The following BRINP3 variants were observed in gnomAD, a reference collection of about 807,000 sequenced individuals.
BRINP3 encodes BMP/retinoic acid-inducible neural-specific protein 3.
A neutral mutation model predicts 71.0 loss-of-function variants in BRINP3; 19 were observed. The observed-to-expected ratio is 0.27, with a 90% CI of 0.19 to 0.39. BRINP3 has a LOEUF of 0.39. Among genes scored for constraint, BRINP3 ranks in the 10% least tolerant of loss-of-function variants. The pLI is 1.00. For missense variants in BRINP3, 959 were observed against 940.8 expected, an observed-to-expected ratio of 1.02 and a Z score of -0.25; for synonymous variants, 380 against 337.7, an observed-to-expected ratio of 1.13 and a Z score of -1.37.
chr1:190,102,758 T>TTCAA (rs1557968241), intron 7 of BRINP3, among the ~76,000 whole-genome samples: 5 of 152,064 alleles, frequency 3.3e-5, no homozygotes, highest in African/African-American at 9.7e-5. Flanking sequence ...AATACCATGA[T>TTCAA]TTCGACCAAT....
chr1:190,324,120 C>A lies in BRINP3; in HGVS notation c.237-42370G>T, dbSNP rs907533896. Among the ~76,000 whole-genome samples, 5 of 151,962 alleles carry A rather than the reference C, an allele frequency of 3.3e-5. No individual in the cohort carries two copies. The East Asian group carries it at 9.7e-4, about 29-fold the overall frequency. On this transcript the variant is annotated intron_variant, in intron 2 of 7. Coordinates refer to ENST00000367462, the MANE Select transcript of BRINP3 (RefSeq NM_199051.3). ...AGACATTTTGAAGAAATTTCTAGAT[C>A]CAGTCAAACCATGGTCTTAATTGTA...
chr1:190,283,249 G>A (rs1342958999), intron 2 of BRINP3, among the ~76,000 whole-genome samples: 1 of 151,866 alleles, frequency 6.6e-6, no homozygotes, highest in African/African-American at 2.4e-5. Flanking sequence ...GTTTTTCCTC[G>A]AAGGGTTCTC....
chr1:190,474,321 A>G (rs1170071183), intron 1 of BRINP3: 2 of 152,774 alleles, frequency 1.3e-5, no homozygotes, highest in Admixed American at 6.5e-5. Flanking sequence ...GAAAATGCAT[A>G]TATTCCATTG....
intron 2 of BRINP3, among the ~76,000 whole-genome samples, chr1:190,387,655 G>A (rs1227298940): frequency 6.6e-6 from 1 of 151,686 alleles, no homozygotes; most frequent in Non-Finnish European, 1.5e-5. Flanking sequence ...TATTTTTCCG[G>A]TTGCTTTTCC....
chr1:190,318,696 G>C (rs1250242260), intron 2 of BRINP3, among the ~76,000 whole-genome samples: 1 of 151,798 alleles, frequency 6.6e-6, no homozygotes, highest in African/African-American at 2.4e-5. Flanking sequence ...CTTGATCCCT[G>C]AATTATGAAG....
At chr1:190,399,305 G>A (rs902798353) in intron 2 of BRINP3, among the ~76,000 whole-genome samples, 4 of 151,574 alleles carry the variant, frequency 2.6e-5, no homozygotes, top group South Asian at 2.1e-4. Context: ...GAAATAAAAC[G>A]TTTTCAAAAA....
intron 7 of BRINP3, among the ~76,000 whole-genome samples, chr1:190,129,065 CTG>C (rs1449581145): frequency 4.6e-5 from 7 of 151,880 alleles, no homozygotes; most frequent in East Asian, 1.9e-4. Context: ...AAAATTTTCA[CTG>C]TGTTTTTATT....
intron 2 of BRINP3, among the ~76,000 whole-genome samples, chr1:190,397,609 G>T (rs904969725): frequency 1.3e-5 from 2 of 151,792 alleles, no homozygotes; most frequent in Non-Finnish European, 2.9e-5. Context: ...TCTAAATTTT[G>T]CATTCCCTGA....
chr1:190,417,548 T>A (rs2102441197), intron 2 of BRINP3, among the ~76,000 whole-genome samples: 1 of 152,280 alleles, frequency 6.6e-6, no homozygotes, highest in Admixed American at 6.5e-5. Context: ...TGTCAAAAAA[T>A]TAAATATGTC....
chr1:190,437,214 TC>T (rs1250397084), intron 2 of BRINP3, among the ~76,000 whole-genome samples: 1 of 151,846 alleles, frequency 6.6e-6, no homozygotes, highest in Non-Finnish European at 1.5e-5. Flanking sequence ...TTTCTAGTTC[TC>T]TTATCCAACA....
chr1:190,349,027 T>A (rs534196748), intron 2 of BRINP3, among the ~76,000 whole-genome samples: 1 of 152,272 alleles, frequency 6.6e-6, no homozygotes, highest in Non-Finnish European at 1.5e-5. Context: ...TAAAACGTAG[T>A]AGCTGAGCTT....
chr1:190,254,126 A>G (rs1660421421), intron 4 of BRINP3, among the ~76,000 whole-genome samples: 2 of 152,018 alleles, frequency 1.3e-5, no homozygotes, highest in African/African-American at 4.8e-5. Context: ...ATTGGTATAT[A>G]TATCTAATTT....
chr1:190,259,618 AT>A (rs1660990824), intron 4 of BRINP3, among the ~76,000 whole-genome samples: 2 of 3,090 alleles, frequency 6.5e-4, no homozygotes, highest in Non-Finnish European at 9.5e-4. Context: ...TAGGCAAAAA[AT>A]AAATAAATAA....
At chr1:190,147,271 T>C (rs902000087) in intron 7 of BRINP3, among the ~76,000 whole-genome samples, 6 of 152,154 alleles carry the variant, frequency 3.9e-5, no homozygotes, top group Non-Finnish European at 5.9e-5. Context: ...TCAAGTTTTA[T>C]TTACTGGCAA....
chr1:190,276,999 T>C (rs1417950489), intron 3 of BRINP3, among the ~76,000 whole-genome samples: 2 of 146,390 alleles, frequency 1.4e-5, no homozygotes, highest in African/African-American at 5.0e-5. Context: ...GCTTTTATGA[T>C]GCCTAGAATA....
chr1:190,101,701 T>C (rs1360645126), intron 7 of BRINP3, among the ~76,000 whole-genome samples: 6 of 152,182 alleles, frequency 3.9e-5, no homozygotes, highest in African/African-American at 1.2e-4. Flanking sequence ...TTTTCTTCCC[T>C]GAAACCAAAG....
intron 7 of BRINP3, among the ~76,000 whole-genome samples, chr1:190,151,923 T>C (rs1656428485): frequency 6.6e-6 from 1 of 152,166 alleles, no homozygotes; most frequent in Non-Finnish European, 1.5e-5. Context: ...TCCAAGCACA[T>C]ACTTGGACAA....
chr1:190,179,688 C>A (rs986115869), intron 6 of BRINP3, among the ~76,000 whole-genome samples: 1 of 152,100 alleles, frequency 6.6e-6, no homozygotes, highest in African/African-American at 2.4e-5. Context: ...ATTTGCTTTG[C>A]ATATAAAGTG....
chr1:190,294,267 T>A (rs1200188639), intron 2 of BRINP3, among the ~76,000 whole-genome samples: 2 of 151,958 alleles, frequency 1.3e-5, no homozygotes, highest in Non-Finnish European at 2.9e-5. Context: ...AATACCTTTT[T>A]TTTTTTTTTG....
Sources: allele counts gnomAD v4.1 joint callset (sites outside exome capture counted in the v4.1 genomes callset), GRCh38; gene constraint gnomAD v4.1.1; transcripts MANE v1.5; gene names NCBI Gene and HGNC (gene_info 2026-07-23, HGNC 2026-07-21).